The following EP400 variants were observed in gnomAD, a reference collection of about 807,000 sequenced individuals.
EP400 encodes E1A-binding protein p400.
A neutral mutation model predicts 354.1 loss-of-function variants in EP400; 105 were observed. That is an observed-to-expected ratio of 0.30 (90% CI 0.25 to 0.35). EP400 has a LOEUF of 0.35. EP400 is among the 10% of genes least tolerant of loss of function. EP400 has a pLI of 1.00. For missense variants in EP400, 3,280 were observed against 4,121.0 expected (o/e 0.80, Z 5.59); for synonymous variants, 1,646 against 1,716.9 (o/e 0.96, Z 1.02).
chr12:131,978,530 T>A (rs1892559964), intron 2 of EP400, among the ~76,000 whole-genome samples: 1 of 152,186 alleles, frequency 6.6e-6, no homozygotes, highest in South Asian at 2.1e-4. Flanking sequence ...TTGTTTTTTT[T>A]AAAGATGGGG....
chr12:132,043,360 G>T lies in EP400; in HGVS notation c.6264G>T (p.Gly2088=). ...EEDAQKSAQE[G]VLGPHTDALS... ...ATGCCCAGAAGTCCGCACAGGAGGG[G>T]GTGCTGGGACCACACACTGATGCTC... The change falls in exon 33 of 53, where the codon GGG becomes GGT. Residue 2088 remains glycine, a synonymous_variant. Coordinates refer to ENST00000389561, the MANE Select transcript of EP400 (RefSeq NM_015409.5). The T allele has an allele frequency of 6.2e-7, 1 of 1,614,098 alleles. No homozygotes were observed. Among genetic ancestry groups the T allele is most frequent in the South Asian group, 1.1e-5 (1 of 91,072 alleles).
intron 2 of EP400, among the ~76,000 whole-genome samples, chr12:131,965,912 G>C (rs889338125): frequency 2.0e-4 from 30 of 152,100 alleles, no homozygotes; most frequent in Non-Finnish European, 4.4e-4. Context: ...TGGGAATAAA[G>C]CTGCTACAAA....
chr12:132,025,878 A>G lies in EP400; in HGVS notation c.5014+74A>G. 2 of 1,460,138 alleles carry G rather than the reference A, an allele frequency of 1.4e-6. No homozygotes were observed. Among genetic ancestry groups the G allele is most frequent in the South Asian group, 1.4e-5 (1 of 69,552 alleles). The allele number at this position is 1,460,138 out of a possible 1,614,324, so 90.4% of individuals were successfully genotyped here. ...CTTCCATCTAAGGCGAGTGGAAAGC[A>G]TTCATGTGTCTTTGACTGTATCTCA... On this transcript the variant is annotated intron_variant, in intron 25 of 52. Transcript: ENST00000389561. The surrounding 1 kb of genome is among the most constrained non-coding windows in gnomAD (Gnocchi z 4.1).
At chr12:131,964,766 A>G (rs1415146811) in intron 2 of EP400, among the ~76,000 whole-genome samples, 1 of 152,256 alleles carries the variant, frequency 6.6e-6, no homozygotes, top group African/African-American at 2.4e-5. Context: ...TTCAGCATGT[A>G]TTAGATAAGA....
intron 12 of EP400, among the ~76,000 whole-genome samples, chr12:132,003,012 G>A (rs1893468622): frequency 6.6e-6 from 1 of 152,010 alleles, no homozygotes; most frequent in South Asian, 2.1e-4. Context: ...ACTACAGATA[G>A]AAAATATTTA....
rs1423510811 is a variant in EP400 at position 132,029,932 on chromosome 12, G to A, written c.5584+29G>A. ...TGCGGCAGTTGGGGGCGTGGCCCGT[G>A]CGGGAGCTGCACCGGCCCTGGATGA... On this transcript the variant is annotated intron_variant, in intron 28 of 52. Transcript: ENST00000389561. This position sits in a 1 kb window ranked among gnomAD's most constrained non-coding sequence, Gnocchi z 4.7. The A allele has an allele frequency of 6.2e-7, 1 of 1,611,500 alleles. No homozygotes were observed. The highest frequency in any genetic ancestry group is 8.5e-7 in the Non-Finnish European group (1 of 1,179,502).
At chr12:132,065,266 C>A in intron 48 of EP400, 1 of 262,424 alleles carries the variant, frequency 3.8e-6, no homozygotes. Context: ...AGGTGGCGGT[C>A]TCTGAAGCTG....
At chr12:132,076,245 G>C (rs1406635720) in intron 51 of EP400, 2 of 447,524 alleles carry the variant, frequency 4.5e-6, no homozygotes, top group African/African-American at 4.1e-5. Flanking sequence ...AGTCGTTTTT[G>C]TGAAAAGAAA....
At chr12:131,988,005 T>G in intron 7 of EP400, 115 bp downstream of exon 7, 1 of 936,916 alleles carries the variant, frequency 1.1e-6, no homozygotes. Flanking sequence ...TTTTTTTTTT[T>G]TTTCCCCCAG....
chr12:132,045,639 G>A, intron 38 of EP400, 79 bp downstream of exon 38: 1 of 1,603,414 alleles, frequency 6.2e-7, no homozygotes, highest in Non-Finnish European at 8.5e-7. Flanking sequence ...AGCTCACTGT[G>A]ATCACTTTGC....
intron 12 of EP400, among the ~76,000 whole-genome samples, chr12:131,999,041 C>T (rs945360155): frequency 5.3e-5 from 8 of 151,456 alleles, no homozygotes; most frequent in Non-Finnish European, 1.2e-4. Context: ...GTGTTGAGTT[C>T]GTGCTAGTGG....
At chr12:131,978,399 C>G (rs1246730802) in intron 2 of EP400, among the ~76,000 whole-genome samples, 1 of 152,218 alleles carries the variant, frequency 6.6e-6, no homozygotes, top group Non-Finnish European at 1.5e-5. Flanking sequence ...TCACCTCCTC[C>G]CCTCTGCTTT....
chr12:132,003,851 C>G (rs1893497182), intron 12 of EP400, among the ~76,000 whole-genome samples: 1 of 152,208 alleles, frequency 6.6e-6, no homozygotes, highest in Non-Finnish European at 1.5e-5. Flanking sequence ...CAAATGAATT[C>G]AAAAAGTGTT....
chr12:132,057,489 C>T (rs901499234), intron 45 of EP400, among the ~76,000 whole-genome samples: 2 of 152,294 alleles, frequency 1.3e-5, no homozygotes, highest in Non-Finnish European at 2.9e-5. Flanking sequence ...GGCTCCACTA[C>T]GGAGAGGAAT....
chr12:131,977,837 A>G (rs1238416108), intron 2 of EP400, among the ~76,000 whole-genome samples: 4 of 152,100 alleles, frequency 2.6e-5, no homozygotes, highest in Non-Finnish European at 5.9e-5. Flanking sequence ...CCGTGTGAGT[A>G]CAGAGTCTGT....
chr12:131,992,818 G>A (rs1350230401), intron 11 of EP400, among the ~76,000 whole-genome samples: 1 of 152,220 alleles, frequency 6.6e-6, no homozygotes, highest in Admixed American at 6.5e-5. Flanking sequence ...GGCGGTTCCT[G>A]TCAGGTGCCA....
At chr12:131,988,273 T>G (rs1892923784) in intron 7 of EP400, among the ~76,000 whole-genome samples, 2 of 152,180 alleles carry the variant, frequency 1.3e-5, no homozygotes. Flanking sequence ...GGTGGTGTCT[T>G]CAGAGCCCAG....
chr12:131,960,823 C>T lies in EP400; in HGVS notation c.204C>T (p.Thr68=), dbSNP rs544441716. 8.1e-6 allele frequency: 13 copies of T among 1,613,718 alleles called. No homozygotes were observed. The highest frequency in any genetic ancestry group is 3.3e-4 in the Middle Eastern group (2 of 6,062). Residue 68 remains threonine, a synonymous_variant, in exon 2 of 53, where the codon ACC becomes ACT. Coordinates refer to ENST00000389561, the MANE Select transcript of EP400 (RefSeq NM_015409.5). ...AGCTGATGAATAGGAGCCCTGCAAC[C>T]GGGCAGAACGTGAACATCACCCTGC... ...IQQLMNRSPA[T]GQNVNITLQS...
intron 2 of EP400, among the ~76,000 whole-genome samples, chr12:131,974,212 C>T (rs1206274487): frequency 6.6e-6 from 1 of 152,020 alleles, no homozygotes; most frequent in East Asian, 1.9e-4. Flanking sequence ...CTCCTGACCT[C>T]AGGTAATCCG....
Sources: gnomAD v4.1 joint callset for allele counts (sites outside exome capture counted in the v4.1 genomes callset) on GRCh38, gnomAD v4.1.1 for gene constraint, Gnocchi (gnomAD v3.1) non-coding constraint, MANE v1.5 for transcripts, NCBI Gene and HGNC (gene_info 2026-07-23, HGNC 2026-07-21) for gene names.